Variants in ENPEP observed in about 807,000 individuals in gnomAD.
ENPEP encodes glutamyl aminopeptidase.
A neutral mutation model predicts 114.5 loss-of-function variants in ENPEP; 103 were observed. The ratio of observed to expected loss-of-function variants is 0.90; its 90% CI spans 0.77 to 1.06. The LOEUF is 1.06. ENPEP is among the 50% of genes least tolerant of loss of function. The probability of loss-of-function intolerance (pLI) is 0.00; values close to 1 mark genes in which losing one functional copy is unlikely to be tolerated. For synonymous variants in ENPEP, 420 were observed against 422.0 expected (o/e 1.00, Z 0.06); for missense variants, 1,196 against 1,161.3 (o/e 1.03, Z -0.43).
In ENPEP at chr4:110,549,846, T is replaced by C; in HGVS notation, c.2461T>C (p.Tyr821His). 6.2e-7 allele frequency: 1 copy of C among 1,613,074 alleles called. No homozygotes were observed. Among genetic ancestry groups the C allele is most frequent in the Non-Finnish European group, 8.5e-7 (1 of 1,179,416 alleles). The part of the protein sequence containing the change: ...SLAQEKEKLL[Y>H]GLASVKNVTL... The stretch of plus-strand genomic sequence containing the variant: ...AGCTCAAGAAAAAGAAAAACTGCTG[T>C]ATGGATTAGCATCAGTGAAGAACGT... Residue 821 changes from tyrosine (Y) to histidine (H), a missense_variant, in exon 17 of 20, where the codon TAT becomes CAT. By Grantham distance (83) the Tyr-to-His change is moderately conservative. Transcript: ENST00000265162.
intron 11 of ENPEP, among the ~76,000 whole-genome samples, chr4:110,541,341 T>G (rs1726838859): frequency 6.6e-6 from 1 of 152,130 alleles, no homozygotes; most frequent in South Asian, 2.1e-4. Flanking sequence ...CTTCCTCTAT[T>G]CTCTACTGGC....
intron 3 of ENPEP, among the ~76,000 whole-genome samples, chr4:110,497,650 G>A (rs1414830107): frequency 6.6e-6 from 1 of 152,224 alleles, no homozygotes; most frequent in Non-Finnish European, 1.5e-5. Context: ...GCAATTCATA[G>A]CAGGTGAGTT....
intron 11 of ENPEP, among the ~76,000 whole-genome samples, chr4:110,536,658 C>G (rs1343015280): frequency 1.3e-5 from 2 of 152,192 alleles, no homozygotes; most frequent in East Asian, 1.9e-4. Flanking sequence ...AACACATGTT[C>G]CAGCTCAATT....
chr4:110,520,647 G>A (rs1725954781), intron 10 of ENPEP, among the ~76,000 whole-genome samples: 1 of 152,118 alleles, frequency 6.6e-6, no homozygotes, highest in African/African-American at 2.4e-5. Flanking sequence ...ATAAAGGGAG[G>A]GGCTGTAAGT....
rs751513182 is a variant in ENPEP at position 110,520,009 on chromosome 4, T to G, written c.1511T>G (p.Met504Arg). 7.4e-6 allele frequency: 12 copies of G among 1,613,534 alleles called. No individual in the cohort carries two copies. The South Asian group carries it at 1.3e-4, about 18-fold the overall frequency. The change falls in exon 9 of 20, where the codon ATG (methionine) becomes AGG (arginine). Residue 504 changes from methionine to arginine, a missense_variant and splice_region_variant. By Grantham distance (91) the Met-to-Arg change is moderately conservative (BLOSUM62 -1). Coordinates refer to ENST00000265162, the MANE Select transcript of ENPEP (RefSeq NM_001977.4). The stretch of plus-strand genomic sequence containing the variant: ...ATGCTGATTATTTTTTACACACAGA[T>G]GTACTTGGAAAAATACCAATTCAAG... ...KPENFQKGCQ[M>R]YLEKYQFKNA...
intron 11 of ENPEP, among the ~76,000 whole-genome samples, chr4:110,531,666 A>G (rs1404954849): frequency 6.6e-6 from 1 of 152,148 alleles, no homozygotes; most frequent in African/African-American, 2.4e-5. Flanking sequence ...TGCTCCCATT[A>G]AATTAGACCA....
chr4:110,530,952 T>A (rs1468480794), intron 10 of ENPEP, among the ~76,000 whole-genome samples: 1 of 152,214 alleles, frequency 6.6e-6, no homozygotes, highest in African/African-American at 2.4e-5. Context: ...ATTGAAATAA[T>A]CTTTTTCATG....
intron 18 of ENPEP, among the ~76,000 whole-genome samples, chr4:110,557,146 A>G (rs1322974310): frequency 2.0e-5 from 3 of 152,206 alleles, no homozygotes; most frequent in Non-Finnish European, 4.4e-5. Flanking sequence ...GGGTGGGAAT[A>G]GTCAAAGGGC....
chr4:110,477,017 G>A lies in ENPEP; in HGVS notation c.603G>A (p.Val201=), dbSNP rs762954945. ...EFAGWLNGSL[V]GFYRTTYTEN... ...CCGGCTGGCTGAACGGCTCCCTCGTGGGATTTTATAGAACCACCTACACGG... is the reference window on the plus strand; with the variant it reads ...CCGGCTGGCTGAACGGCTCCCTCGTAGGATTTTATAGAACCACCTACACGG... Residue 201 remains valine, a synonymous_variant, in exon 1 of 20, where the codon GTG becomes GTA. Transcript: ENST00000265162. 7 of 1,613,988 alleles carry A rather than the reference G, an allele frequency of 4.3e-6. No homozygotes were observed. Among genetic ancestry groups the A allele is most frequent in the Admixed American group, 1.7e-5 (1 of 60,008 alleles).
At chr4:110,519,938 A>G (rs2110362839) in intron 8 of ENPEP, 70 bp from the exon 9 acceptor site, 4 of 1,399,330 alleles carry the variant, frequency 2.9e-6, no homozygotes, top group Non-Finnish European at 4.0e-6. Flanking sequence ...GCAGGGGTTC[A>G]GTTCATCTTG....
At chr4:110,503,175 ACAGTTTGCTGAGAATGATGGTTTC>A (rs1443259656) in intron 3 of ENPEP, among the ~76,000 whole-genome samples, 1 of 152,030 alleles carries the variant, frequency 6.6e-6, no homozygotes, top group Non-Finnish European at 1.5e-5. Context: ...TGTCCTTGTG[ACAGTTTGCTGAGAATGATGGTTTC>A]CAGCTTCATC....
chr4:110,501,877 T>C (rs1239885924), intron 3 of ENPEP, among the ~76,000 whole-genome samples: 2 of 152,236 alleles, frequency 1.3e-5, no homozygotes, highest in East Asian at 3.8e-4. Flanking sequence ...CTTTCCACAA[T>C]GGATAAACTA....
chr4:110,491,036 G>A lies in ENPEP; in HGVS notation c.790G>A (p.Glu264Lys), dbSNP rs1724688414. The part of the protein sequence containing the change: ...GALSNMPVAK[E>K]ESVDDKWTRT... Reference sequence around the variant, plus strand: ...GTTTATCTTTTCTTTTCAATAGAAAGAAGAGTCAGTGGATGATAAATGGAC... The same window carrying A: ...GTTTATCTTTTCTTTTCAATAGAAAAAAGAGTCAGTGGATGATAAATGGAC... Residue 264 changes from glutamate (E) to lysine (K), a missense_variant, in exon 3 of 20, where the codon GAA (glutamate) becomes AAA (lysine). Glu to Lys is a moderately conservative substitution (Grantham distance 56). Coordinates refer to ENST00000265162, the MANE Select transcript of ENPEP (RefSeq NM_001977.4). 1.2e-6 allele frequency: 2 copies of A among 1,605,140 alleles called. No homozygotes were observed. The highest frequency in any genetic ancestry group is 2.3e-5 in the South Asian group (2 of 88,706).
chr4:110,561,686 T>C lies in ENPEP; in HGVS notation c.*128T>C. The stretch of plus-strand genomic sequence containing the variant: ...ATAATGCTTTTACTAAGCACTGTGT[T>C]TATATGTCTTGCAAAGCCTTTAAAT... On this transcript the variant is annotated 3_prime_UTR_variant, in exon 20 of 20. Coordinates refer to ENST00000265162, the MANE Select transcript of ENPEP (RefSeq NM_001977.4). 1 of 858,092 alleles carries C rather than the reference T, an allele frequency of 1.2e-6. No homozygotes were observed. Among genetic ancestry groups the C allele is most frequent in the East Asian group, 2.7e-5 (1 of 37,400 alleles). 53.2% of individuals were successfully genotyped at this position (858,092 alleles called of 1,614,324 possible).
intron 3 of ENPEP, among the ~76,000 whole-genome samples, chr4:110,500,355 A>G (rs961723664): frequency 2.6e-5 from 4 of 152,238 alleles, no homozygotes; most frequent in Admixed American, 2.6e-4. Flanking sequence ...CAGCTGAATA[A>G]GGCTGTATAA....
At chr4:110,515,822 G>A (rs941812890) in intron 8 of ENPEP, 2 of 456,998 alleles carry the variant, frequency 4.4e-6, no homozygotes, top group East Asian at 6.9e-5. Flanking sequence ...GGCTGATTCC[G>A]TTTCTGGTGA....
intron 1 of ENPEP, among the ~76,000 whole-genome samples, chr4:110,482,570 G>A (rs1724351697): frequency 6.6e-6 from 1 of 152,170 alleles, no homozygotes; most frequent in Non-Finnish European, 1.5e-5. Flanking sequence ...TGTGTGTAAT[G>A]TATTCTTACC....
chr4:110,480,422 G>A (rs1244418088), intron 1 of ENPEP, among the ~76,000 whole-genome samples: 1 of 152,156 alleles, frequency 6.6e-6, no homozygotes, highest in Non-Finnish European at 1.5e-5. Flanking sequence ...TTCACTGGGG[G>A]CAGTGCCTTT....
intron 8 of ENPEP, chr4:110,515,921 T>C (rs1472681150): frequency 4.8e-6 from 2 of 419,542 alleles, no homozygotes; most frequent in Non-Finnish European, 9.5e-6. Context: ...AGCACTCTGG[T>C]GTCTCTTATA....
Sources: allele counts gnomAD v4.1 joint callset (sites outside exome capture counted in the v4.1 genomes callset), GRCh38; gene constraint gnomAD v4.1.1; transcripts MANE v1.5; gene names NCBI Gene and HGNC (gene_info 2026-07-23, HGNC 2026-07-21).